RBMS1: variants seen among roughly 807,000 people sequenced by gnomAD.
RBMS1 encodes RNA binding motif single stranded interacting protein 1.
In RBMS1, 17 loss-of-function variants were observed where a neutral mutation model predicts 62.3. The observed-to-expected ratio is 0.27, with a 90% CI of 0.19 to 0.41. The LOEUF is 0.41. Ranked by LOEUF, RBMS1 falls within the 10% of genes least tolerant of loss-of-function variation. The pLI, the probability that RBMS1 is intolerant of heterozygous loss-of-function variation, is 1.00. For missense variants in RBMS1, 334 were observed against 504.5 expected, an observed-to-expected ratio of 0.66 and a Z score of 3.24; for synonymous variants, 172 against 170.0, an observed-to-expected ratio of 1.01 and a Z score of -0.09.
intron 1 of RBMS1, among the ~76,000 whole-genome samples, chr2:160,457,372 T>G (rs1052334850): frequency 1.3e-5 from 2 of 152,136 alleles, no homozygotes; most frequent in Non-Finnish European, 2.9e-5. Context: ...TCAGGTGATC[T>G]GCCTGCCTCA....
rs957108691 is a variant in RBMS1, at chr2:160,406,149, T to C, written c.76-38758A>G. Among the ~76,000 whole-genome samples the C allele has an allele frequency of 2.0e-5, 3 of 152,232 alleles. No individual in the cohort carries two copies. In the South Asian group the frequency reaches 6.2e-4, roughly 31 times the overall value. The stretch of plus-strand genomic sequence containing the variant: ...CTTCTTAACCCAGGTAAAAGTTCCA[T>C]GGACTTCCACATCAAGGGCACACAG... On this transcript the variant is annotated intron_variant, in intron 1 of 13. Transcript: ENST00000348849.
Position 160,297,340 on chromosome 2 carries a change from GC to G in RBMS1, c.640+3310del, listed in dbSNP as rs576256337. Among the ~76,000 whole-genome samples, 743 of 152,248 alleles carry G rather than the reference GC, an allele frequency of 4.9e-3. 10 individuals carry two copies. Among genetic ancestry groups the G allele is most frequent in the African/African-American group, 0.017 (716 of 41,538 alleles). ...CTTTCTGGCAGGTGGCATGCTAGTG[GC>G]TGGCTGCAAATCAGATCAGAAGACA... On this transcript the variant is annotated intron_variant, in intron 6 of 13. Coordinates refer to ENST00000348849, the MANE Select transcript of RBMS1 (RefSeq NM_016836.4).
chr2:160,493,449 GGCGGCGGCA>G lies in RBMS1; in HGVS notation c.-95_-87del, dbSNP rs894639736. 17 of 1,365,728 alleles carry G rather than the reference GGCGGCGGCA, an allele frequency of 1.2e-5. No homozygotes were observed. The highest frequency in any genetic ancestry group is 8.8e-5 in the African/African-American group (6 of 68,522). The allele number at this position is 1,365,728 out of a possible 1,614,324, so 84.6% of individuals were successfully genotyped here. On this transcript the variant is annotated 5_prime_UTR_variant, in exon 1 of 14. Transcript: ENST00000348849. Reference sequence around the variant, plus strand: ...GCTCTCCTGCCTCTCCCTTTCCGGCGGCGGCGGCAGCGGCGGCGGCGGCGGCGGCTGCTG... The same window carrying G: ...GCTCTCCTGCCTCTCCCTTTCCGGCGGCGGCGGCGGCGGCGGCGGCTGCTG...
At chr2:160,396,968 A>G (rs1695180505) in intron 1 of RBMS1, among the ~76,000 whole-genome samples, 1 of 152,084 alleles carries the variant, frequency 6.6e-6, no homozygotes, top group Admixed American at 6.5e-5. Context: ...CCCACCCTAT[A>G]CCAAAAGCTC....
chr2:160,461,567 G>A (rs1188713335), intron 1 of RBMS1, among the ~76,000 whole-genome samples: 1 of 152,188 alleles, frequency 6.6e-6, no homozygotes, highest in Non-Finnish European at 1.5e-5. Flanking sequence ...GGAAAGCTGC[G>A]GTTGGCTGGT....
In RBMS1 at chr2:160,272,408, A is replaced by G. The variant is rs1687626009; in HGVS notation, c.*2364T>C. 6.6e-6 allele frequency: 1 copy of G among 152,126 alleles called. No homozygotes were observed. Among genetic ancestry groups the G allele is most frequent in the Non-Finnish European group, 1.5e-5 (1 of 68,028 alleles). 9.4% of individuals were successfully genotyped at this position (152,126 alleles called of 1,614,324 possible). A position where few individuals can be genotyped will look rare whatever the true frequency, so the allele number is the denominator to read the frequency against. On this transcript the variant is annotated 3_prime_UTR_variant, in exon 14 of 14. Transcript: ENST00000348849. The stretch of plus-strand genomic sequence containing the variant: ...TGAAAATCTTTTTTTTTCAATCTGT[A>G]CAAAAGGTCTTTCTTCATAAATTAA...
chr2:160,302,090 T>C (rs1689237137), intron 5 of RBMS1, among the ~76,000 whole-genome samples: 1 of 152,196 alleles, frequency 6.6e-6, no homozygotes, highest in Non-Finnish European at 1.5e-5. Context: ...TTAGTATTTT[T>C]CCATCAGAAA....
rs1191178235 is a variant in RBMS1, at chr2:160,426,287, A to AAGAG, written c.76-58897_76-58896insCTCT. On this transcript the variant is annotated intron_variant, in intron 1 of 13. Coordinates refer to ENST00000348849, the MANE Select transcript of RBMS1 (RefSeq NM_016836.4). ...AAAGAAAGAAAGAAAGAAAGAAAGA[A>AAGAG]AGAAAAGAAAGAAGGAAGGAAGGAA... Among the ~76,000 whole-genome samples the AAGAG allele has an allele frequency of 3.5e-5, 4 of 113,190 alleles. No homozygotes were observed. In the South Asian group the frequency reaches 9.1e-4, roughly 26 times the overall value. 74.3% of individuals were successfully genotyped at this position (113,190 alleles called of 152,430 possible).
intron 2 of RBMS1, among the ~76,000 whole-genome samples, chr2:160,341,161 T>C (rs542225621): frequency 1.4e-4 from 22 of 152,168 alleles, no homozygotes; most frequent in Non-Finnish European, 2.5e-4. Flanking sequence ...TAAATCCTTT[T>C]TACTTAATCA....
chr2:160,376,223 G>A (rs1031478261), intron 1 of RBMS1, among the ~76,000 whole-genome samples: 1 of 152,146 alleles, frequency 6.6e-6, no homozygotes, highest in African/African-American at 2.4e-5. Context: ...AAACTTATAT[G>A]AGTAAGCTTA....
chr2:160,397,926 A>C (rs1695231517), intron 1 of RBMS1, among the ~76,000 whole-genome samples: 1 of 151,256 alleles, frequency 6.6e-6, no homozygotes, highest in Non-Finnish European at 1.5e-5. Flanking sequence ...GCTCCCCCCT[A>C]CTCCTGCCCA....
intron 1 of RBMS1, among the ~76,000 whole-genome samples, chr2:160,426,292 AAGAAAGAAGGAAGGAAG>A (rs1682603839): frequency 1.1e-5 from 1 of 89,056 alleles, no homozygotes; most frequent in South Asian, 4.3e-4. Context: ...AAAGAAAGAA[AAGAAAGAAGGAAGGAAG>A]GAAGGAAGGA....
rs75104818 is a variant in RBMS1, at chr2:160,404,111, A to G, written c.76-36720T>C. Among the ~76,000 whole-genome samples, 17 of 152,316 alleles carry G rather than the reference A, an allele frequency of 1.1e-4. No homozygotes were observed. The East Asian group carries it at 3.3e-3, about 29-fold the overall frequency. On this transcript the variant is annotated intron_variant, in intron 1 of 13. Transcript: ENST00000348849. ...TACTTCAAAGTCACAGTCAACAGTAATAGAACGTACACATTTGTCCACTGA... is the reference window on the plus strand; with the variant it reads ...TACTTCAAAGTCACAGTCAACAGTAGTAGAACGTACACATTTGTCCACTGA...
chr2:160,428,566 T>G (rs1280683310), intron 1 of RBMS1, among the ~76,000 whole-genome samples: 1 of 152,186 alleles, frequency 6.6e-6, no homozygotes, highest in Non-Finnish European at 1.5e-5. Context: ...ATTTTCCTAC[T>G]ACTGTGGGTA....
chr2:160,367,711 T>C (rs183912297), intron 1 of RBMS1, among the ~76,000 whole-genome samples: 1 of 152,314 alleles, frequency 6.6e-6, no homozygotes, highest in Admixed American at 6.5e-5. Context: ...GATGATACCA[T>C]CTTAATACAC....
At chr2:160,351,868 T>C (rs943598684) in intron 2 of RBMS1, among the ~76,000 whole-genome samples, 1 of 152,104 alleles carries the variant, frequency 6.6e-6, no homozygotes, top group Non-Finnish European at 1.5e-5. Context: ...ATTTTAAGGG[T>C]AGTCAAACAG....
intron 1 of RBMS1, among the ~76,000 whole-genome samples, chr2:160,438,489 T>C (rs1358882516): frequency 1.3e-5 from 2 of 152,110 alleles, no homozygotes; most frequent in African/African-American, 4.8e-5. Flanking sequence ...TTCAAGCATC[T>C]GTTTAACAAA....
Position 160,287,400 on chromosome 2 carries a change from G to A in RBMS1, c.641-316C>T, listed in dbSNP as rs1005968393. 7.2e-5 allele frequency among the ~76,000 whole-genome samples: 11 copies of A among 152,028 alleles called. No homozygotes were observed. In the East Asian group the frequency reaches 7.7e-4, roughly 11 times the overall value. ...CCCTCTCCAATTCCACCTCTGGACC[G>A]TCACCAAAATAATCTTCAAATTCAA... On this transcript the variant is annotated intron_variant, in intron 6 of 13. Coordinates refer to ENST00000348849, the MANE Select transcript of RBMS1 (RefSeq NM_016836.4).
intron 1 of RBMS1, among the ~76,000 whole-genome samples, chr2:160,443,135 G>A (rs1683482355): frequency 6.6e-6 from 1 of 151,772 alleles, no homozygotes; most frequent in African/African-American, 2.4e-5. Flanking sequence ...GAACCCAGGA[G>A]GCGGAGGTTG....
Sources: gnomAD v4.1 joint callset for allele counts (sites outside exome capture counted in the v4.1 genomes callset) on GRCh38, gnomAD v4.1.1 for gene constraint, MANE v1.5 for transcripts, NCBI Gene and HGNC (gene_info 2026-07-23, HGNC 2026-07-21) for gene names.